The following HTR1F variants were observed in gnomAD, a reference collection of about 807,000 sequenced individuals.
HTR1F encodes 5-hydroxytryptamine (serotonin) receptor 1F, G protein-coupled.
HTR1F carries 17 observed loss-of-function variants against 24.0 expected under a neutral mutation model. That is an observed-to-expected ratio of 0.71 (90% CI 0.48 to 1.06). HTR1F has a LOEUF of 1.06. Among genes scored for constraint, HTR1F ranks in the 50% least tolerant of loss-of-function variants. HTR1F has a pLI of 0.00. For synonymous variants in HTR1F, 186 were observed against 156.8 expected, an observed-to-expected ratio of 1.19 and a Z score of -1.39; for missense variants, 391 against 427.8, an observed-to-expected ratio of 0.91 and a Z score of 0.76.
At chr3:87,811,339 G>C (rs1704157573) in intron 1 of HTR1F, among the ~76,000 whole-genome samples, 1 of 151,640 alleles carries the variant, frequency 6.6e-6, no homozygotes, top group Non-Finnish European at 1.5e-5. Context: ...ATAGTTCCTG[G>C]CAAGACTGCA....
At chr3:87,985,060 G>A (rs1705632456) in intron 2 of HTR1F, among the ~76,000 whole-genome samples, 1 of 152,112 alleles carries the variant, frequency 6.6e-6, no homozygotes, top group Non-Finnish European at 1.5e-5. Context: ...TGAGGGCTGG[G>A]CACAGTGGCT....
At position 87,797,889 on chromosome 3, in the gene HTR1F, G is replaced by T. The variant is rs73845070; in HGVS notation, c.-160+5047G>T. Among the ~76,000 whole-genome samples, 904 of 152,238 alleles carry T rather than the reference G, an allele frequency of 5.9e-3. 10 individuals carry two copies. The highest frequency in any genetic ancestry group is 0.021 in the African/African-American group (872 of 41,522). ...TGGTGGGACAAAAAGGAATACTGTGGGAGCAAACCCTTTAATAAGTGGTAG... is the reference window on the plus strand; with the variant it reads ...TGGTGGGACAAAAAGGAATACTGTGTGAGCAAACCCTTTAATAAGTGGTAG... On this transcript the variant is annotated intron_variant, in intron 1 of 2. Coordinates refer to ENST00000319595, the MANE Select transcript of HTR1F (RefSeq NM_001322209.2).
chr3:87,840,902 T>C lies in HTR1F; in HGVS notation c.-43+18778T>C, dbSNP rs1457108413. Among the ~76,000 whole-genome samples, 4 of 151,538 alleles carry C rather than the reference T, an allele frequency of 2.6e-5. No homozygotes were observed. In the South Asian group the frequency reaches 8.3e-4, roughly 31 times the overall value. ...ACATTGAACTCATAGAAGTAGAAAA[T>C]AGAAAGACAGTTACCAGTGGCTCTG... On this transcript the variant is annotated intron_variant, in intron 2 of 2. Coordinates refer to ENST00000319595, the MANE Select transcript of HTR1F (RefSeq NM_001322209.2).
At chr3:87,972,020 T>C (rs955389695) in intron 2 of HTR1F, among the ~76,000 whole-genome samples, 1 of 152,196 alleles carries the variant, frequency 6.6e-6, no homozygotes, top group Non-Finnish European at 1.5e-5. Flanking sequence ...CAGTGTGTTA[T>C]TGTGCATGCT....
chr3:87,825,508 C>T (rs542842537), intron 2 of HTR1F, among the ~76,000 whole-genome samples: 2 of 152,238 alleles, frequency 1.3e-5, no homozygotes, highest in South Asian at 2.1e-4. Flanking sequence ...TCTCCAGTCT[C>T]TCATGCCAGA....
chr3:87,974,596 T>C (rs560199005), intron 2 of HTR1F, among the ~76,000 whole-genome samples: 12 of 152,288 alleles, frequency 7.9e-5, no homozygotes, highest in African/African-American at 2.9e-4. Flanking sequence ...TGCGTTTATC[T>C]CATCATATTG....
intron 2 of HTR1F, among the ~76,000 whole-genome samples, chr3:87,987,564 C>G (rs1705688944): frequency 6.8e-6 from 1 of 147,996 alleles, no homozygotes; most frequent in African/African-American, 2.5e-5. Context: ...AGTTAAAAGA[C>G]CCAGAACACA....
At chr3:87,923,202 C>T (rs1704049036) in intron 2 of HTR1F, among the ~76,000 whole-genome samples, 1 of 151,940 alleles carries the variant, frequency 6.6e-6, no homozygotes, top group Non-Finnish European at 1.5e-5. Flanking sequence ...TGGTATGATG[C>T]CTCCAGCTTT....
At chr3:87,923,991 G>A (rs1426053571) in intron 2 of HTR1F, among the ~76,000 whole-genome samples, 1 of 151,962 alleles carries the variant, frequency 6.6e-6, no homozygotes, top group African/African-American at 2.4e-5. Context: ...TTGGTATCAG[G>A]GTAATGCTGG....
chr3:87,944,458 A>G (rs1485443603), intron 2 of HTR1F, among the ~76,000 whole-genome samples: 1 of 152,228 alleles, frequency 6.6e-6, no homozygotes, highest in African/African-American at 2.4e-5. Flanking sequence ...CCTATCAATT[A>G]CTGAATACCC....
chr3:87,859,837 G>A (rs887936467), intron 2 of HTR1F, among the ~76,000 whole-genome samples: 1 of 152,170 alleles, frequency 6.6e-6, no homozygotes, highest in African/African-American at 2.4e-5. Context: ...CAGGTTGCAA[G>A]TCTAGTCCTC....
intron 2 of HTR1F, among the ~76,000 whole-genome samples, chr3:87,901,940 T>C (rs968403730): frequency 2.0e-5 from 3 of 152,094 alleles, no homozygotes; most frequent in Non-Finnish European, 4.4e-5. Context: ...GAGCTAAAGA[T>C]CTGAATAAAT....
intron 2 of HTR1F, among the ~76,000 whole-genome samples, chr3:87,942,612 CTT>C: frequency 1.3e-5 from 2 of 152,064 alleles, no homozygotes; most frequent in Non-Finnish European, 2.9e-5. Flanking sequence ...CTTGGATAAT[CTT>C]TTTTAAAGTG....
intron 2 of HTR1F, among the ~76,000 whole-genome samples, chr3:87,843,422 T>C (rs894279406): frequency 1.3e-5 from 2 of 151,840 alleles, no homozygotes; most frequent in Non-Finnish European, 2.9e-5. Context: ...ACATGTTGTT[T>C]TGAAGTAACT....
chr3:87,885,767 A>G (rs945633131), intron 2 of HTR1F, among the ~76,000 whole-genome samples: 42 of 152,176 alleles, frequency 2.8e-4, no homozygotes, highest in African/African-American at 1.0e-3. Context: ...CTGGACACAT[A>G]CACCCTCCCA....
chr3:87,938,292 T>C (rs1374475191), intron 2 of HTR1F, among the ~76,000 whole-genome samples: 12 of 152,102 alleles, frequency 7.9e-5, no homozygotes, highest in Non-Finnish European at 1.5e-4. Context: ...TCGGAGATGA[T>C]ACAAACAAAT....
chr3:87,836,476 A>C (rs1704685649), intron 2 of HTR1F, among the ~76,000 whole-genome samples: 1 of 152,184 alleles, frequency 6.6e-6, no homozygotes, highest in African/African-American at 2.4e-5. Context: ...AATATCCATA[A>C]GTGGTTTTTC....
chr3:87,986,635 ACT>A (rs1263096968), intron 2 of HTR1F, among the ~76,000 whole-genome samples: 1 of 151,852 alleles, frequency 6.6e-6, no homozygotes, highest in Non-Finnish European at 1.5e-5. Context: ...AACCCACATA[ACT>A]CTTTCTGACA....
At chr3:87,835,477 C>T (rs1230056143) in intron 2 of HTR1F, among the ~76,000 whole-genome samples, 1 of 152,130 alleles carries the variant, frequency 6.6e-6, no homozygotes, top group Non-Finnish European at 1.5e-5. Flanking sequence ...AATATGATGC[C>T]GTCACAAGTT....
Sources: gnomAD v4.1 joint callset for allele counts (sites outside exome capture counted in the v4.1 genomes callset) on GRCh38, gnomAD v4.1.1 for gene constraint, MANE v1.5 for transcripts, NCBI Gene and HGNC (gene_info 2026-07-23, HGNC 2026-07-21) for gene names.